NRXN3: variants seen among roughly 807,000 people sequenced by gnomAD.
NRXN3 encodes the protein neurexin III.
In NRXN3, 32 loss-of-function variants were observed where a neutral mutation model predicts 137.6. The observed-to-expected ratio is 0.23, with a 90% CI of 0.18 to 0.31. The LOEUF (loss-of-function observed/expected upper bound fraction) is 0.31. Among genes scored for constraint, NRXN3 ranks in the 10% least tolerant of loss-of-function variants. NRXN3 has a pLI of 1.00. For synonymous variants in NRXN3, 798 were observed against 784.5 expected (o/e 1.02, Z -0.29); for missense variants, 1,574 against 2,062.5 (o/e 0.76, Z 4.59).
At position 79,105,519 on chromosome 14, in the gene NRXN3, T is replaced by C. The variant is rs968120750; in HGVS notation, c.3262+117378T>C. 3.3e-5 allele frequency among the ~76,000 whole-genome samples: 5 copies of C among 152,192 alleles called. No individual in the cohort carries two copies. The East Asian group carries it at 5.8e-4, about 18-fold the overall frequency. On this transcript the variant is annotated intron_variant, in intron 15 of 20. Coordinates refer to ENST00000335750, the MANE Select transcript of NRXN3 (RefSeq NM_001330195.2). ...AGTGAAAATCGATTTATTCCTCCTC[T>C]GAGTTTTACCCAATGGGTAAAGTTG...
chr14:79,356,733 T>C (rs1374137708), intron 15 of NRXN3, among the ~76,000 whole-genome samples: 1 of 152,122 alleles, frequency 6.6e-6, no homozygotes, highest in Non-Finnish European at 1.5e-5. Context: ...ATTTACTTTT[T>C]TTTCTTTTTT....
rs143948382 is a variant in NRXN3 at position 79,382,013 on chromosome 14, C to G, written c.3263-85208C>G. On this transcript the variant is annotated intron_variant, in intron 15 of 20. Coordinates refer to ENST00000335750, the MANE Select transcript of NRXN3 (RefSeq NM_001330195.2). Reference sequence around the variant, plus strand: ...TGGTATTTATTCAACAGGTTTTGAACAAGATTAGTGGATTATAATTTTGGC... The same window carrying G: ...TGGTATTTATTCAACAGGTTTTGAAGAAGATTAGTGGATTATAATTTTGGC... 5.7e-3 allele frequency among the ~76,000 whole-genome samples: 866 copies of G among 152,264 alleles called. 7 individuals are homozygous for G. The highest frequency in any genetic ancestry group is 0.02 in the African/African-American group (838 of 41,552).
At chr14:78,283,262 A>AAGAT (rs2074671215) in intron 3 of NRXN3, 1 of 152,230 alleles carries the variant, frequency 6.6e-6, no homozygotes, top group Non-Finnish European at 1.5e-5. Context: ...GATGTAAGGC[A>AAGAT]AGATAGCATA....
intron 19 of NRXN3, among the ~76,000 whole-genome samples, chr14:79,788,224 C>T (rs1177608029): frequency 6.6e-6 from 1 of 152,156 alleles, no homozygotes; most frequent in East Asian, 1.9e-4. Flanking sequence ...GAAAAACCCA[C>T]CCCCATGATT....
intron 15 of NRXN3, among the ~76,000 whole-genome samples, chr14:79,057,187 C>G (rs2099666782): frequency 6.6e-6 from 1 of 152,130 alleles, no homozygotes; most frequent in Non-Finnish European, 1.5e-5. Context: ...TAAGTGATGT[C>G]TGAGAAAGTC....
intron 16 of NRXN3, among the ~76,000 whole-genome samples, chr14:79,515,611 C>T (rs1045798183): frequency 1.3e-5 from 2 of 151,958 alleles, no homozygotes; most frequent in Non-Finnish European, 2.9e-5. Flanking sequence ...TTCATTTCTC[C>T]TCCTCCCGCC....
intron 8 of NRXN3, among the ~76,000 whole-genome samples, chr14:78,723,960 T>C (rs1216823487): frequency 6.6e-6 from 1 of 152,216 alleles, no homozygotes; most frequent in Non-Finnish European, 1.5e-5. Context: ...AAAATGTGAC[T>C]CTTTTGTAAT....
chr14:79,428,427 T>C (rs1385185662), intron 15 of NRXN3, among the ~76,000 whole-genome samples: 1 of 152,120 alleles, frequency 6.6e-6, no homozygotes, highest in African/African-American at 2.4e-5. Flanking sequence ...AATACCTCTT[T>C]TGGTGGAAAC....
In NRXN3 at chr14:78,581,163, A is replaced by G. The variant is rs189601807; in HGVS notation, c.758-63957A>G. On this transcript the variant is annotated intron_variant, in intron 4 of 20. Transcript: ENST00000335750. Reference sequence around the variant, plus strand: ...AAATCACAAGGCTACTAATTAGTACAAGCCATTTGATCTAATACTAACACT... The same window carrying G: ...AAATCACAAGGCTACTAATTAGTACGAGCCATTTGATCTAATACTAACACT... Among the ~76,000 whole-genome samples, 866 of 152,372 alleles carry G rather than the reference A, an allele frequency of 5.7e-3. 6 individuals carry two copies. The highest frequency in any genetic ancestry group is 0.02 in the Middle Eastern group (6 of 294).
chr14:78,362,775 G>A (rs2085325203), intron 4 of NRXN3, among the ~76,000 whole-genome samples: 1 of 152,140 alleles, frequency 6.6e-6, no homozygotes, highest in Non-Finnish European at 1.5e-5. Flanking sequence ...GACTTGGTAA[G>A]CAGCTTTTAA....
chr14:78,783,518 A>C (rs2098777451), intron 8 of NRXN3, among the ~76,000 whole-genome samples: 1 of 152,190 alleles, frequency 6.6e-6, no homozygotes, highest in Non-Finnish European at 1.5e-5. Context: ...TAAGGCCTGA[A>C]GTTTAAAATA....
At chr14:79,481,074 T>C (rs2096603601) in intron 16 of NRXN3, among the ~76,000 whole-genome samples, 1 of 152,200 alleles carries the variant, frequency 6.6e-6, no homozygotes, top group Non-Finnish European at 1.5e-5. Context: ...AGTGTAGTTC[T>C]AAGTGCTTGG....
At chr14:79,078,239 T>G (rs1244962839) in intron 15 of NRXN3, among the ~76,000 whole-genome samples, 3 of 152,194 alleles carry the variant, frequency 2.0e-5, no homozygotes, top group African/African-American at 7.2e-5. Flanking sequence ...GTCAAACTTA[T>G]GACCATTCAA....
intron 15 of NRXN3, among the ~76,000 whole-genome samples, chr14:79,139,796 A>G (rs1568406842): frequency 6.6e-6 from 1 of 151,996 alleles, no homozygotes; most frequent in Admixed American, 6.6e-5. Context: ...AATCAGTATT[A>G]CTATGATTTC....
chr14:78,390,553 A>G (rs899025623), intron 4 of NRXN3, among the ~76,000 whole-genome samples: 2 of 152,196 alleles, frequency 1.3e-5, no homozygotes, highest in Non-Finnish European at 2.9e-5. Context: ...TAGTAAGGAG[A>G]AAGTCAAGAT....
intron 20 of NRXN3, among the ~76,000 whole-genome samples, chr14:79,829,251 CT>C (rs1041612077): frequency 4.6e-5 from 7 of 152,170 alleles, no homozygotes; most frequent in African/African-American, 1.7e-4. Context: ...AGAAATAACA[CT>C]TTCTCCAGAA....
chr14:79,144,888 C>G (rs2059147516), intron 15 of NRXN3, among the ~76,000 whole-genome samples: 1 of 151,462 alleles, frequency 6.6e-6, no homozygotes, highest in Non-Finnish European at 1.5e-5. Context: ...GTTTCTTCCT[C>G]TTTTTTTTGA....
chr14:79,851,461 G>A (rs140650313), intron 20 of NRXN3, among the ~76,000 whole-genome samples: 36 of 151,892 alleles, frequency 2.4e-4, no homozygotes, highest in Non-Finnish European at 1.2e-4. Flanking sequence ...ATCTTGGTAC[G>A]GACTGACCCA....
intron 15 of NRXN3, among the ~76,000 whole-genome samples, chr14:79,199,327 C>T (rs112726342): frequency 1.3e-5 from 2 of 151,812 alleles, no homozygotes; most frequent in African/African-American, 4.8e-5. Flanking sequence ...AATTAAATAC[C>T]CTCTAGAGTG....
Sources: allele counts gnomAD v4.1 joint callset (sites outside exome capture counted in the v4.1 genomes callset), GRCh38; gene constraint gnomAD v4.1.1; transcripts MANE v1.5; gene names NCBI Gene and HGNC (gene_info 2026-07-23, HGNC 2026-07-21).